Variants in NRG3 observed in about 807,000 individuals in gnomAD.
The protein encoded by NRG3 is neuregulin 3, also known as pro-neuregulin-3, membrane-bound isoform.
A neutral mutation model predicts 66.9 loss-of-function variants in NRG3; 31 were observed. The ratio of observed to expected loss-of-function variants is 0.46; its 90% confidence interval spans 0.35 to 0.63. The LOEUF is 0.63. NRG3 is among the 20% of genes least tolerant of loss of function. The pLI, the probability that NRG3 is intolerant of heterozygous loss-of-function variation, is 0.00. For synonymous variants in NRG3, 393 were observed against 359.4 expected (o/e 1.09, Z -1.06); for missense variants, 910 against 878.9 (o/e 1.04, Z -0.45).
intron 2 of NRG3, among the ~76,000 whole-genome samples, chr10:82,722,953 G>A (rs371983307): frequency 4.6e-5 from 7 of 151,830 alleles, no homozygotes; most frequent in African/African-American, 1.5e-4. Flanking sequence ...CAACCCACCC[G>A]TCCCACTACT....
At chr10:82,194,551 T>G (rs1295886507) in intron 1 of NRG3, among the ~76,000 whole-genome samples, 1 of 152,002 alleles carries the variant, frequency 6.6e-6, no homozygotes, top group African/African-American at 2.4e-5. Context: ...AAGGTCAGTA[T>G]GTGACAGTAG....
In NRG3 at chr10:82,802,670, T is replaced by G. The variant is rs201328966; in HGVS notation, c.1028-62741T>G. Among the ~76,000 whole-genome samples, 4 of 152,100 alleles carry G rather than the reference T, an allele frequency of 2.6e-5. No individual in the cohort carries two copies. In the East Asian group the frequency reaches 7.7e-4, roughly 29 times the overall value. On this transcript the variant is annotated intron_variant, in intron 3 of 8. Coordinates refer to ENST00000372141, the MANE Select transcript of NRG3 (RefSeq NM_001010848.4). The stretch of plus-strand genomic sequence containing the variant: ...TTATTTTTATTTTTTTTAAATTTTT[T>G]GAGACAAGATCTCGCTCTGTCACCC...
At chr10:82,515,962 A>G (rs1045905584) in intron 2 of NRG3, among the ~76,000 whole-genome samples, 1 of 152,178 alleles carries the variant, frequency 6.6e-6, no homozygotes, top group African/African-American at 2.4e-5. Flanking sequence ...TCAGGGCCCA[A>G]ACATCCAAGA....
chr10:82,787,028 C>A (rs924809855), intron 3 of NRG3, among the ~76,000 whole-genome samples: 2 of 152,126 alleles, frequency 1.3e-5, no homozygotes, highest in African/African-American at 2.4e-5. Flanking sequence ...CTTTATTACC[C>A]AGTCTCAAAT....
intron 1 of NRG3, among the ~76,000 whole-genome samples, chr10:81,926,704 G>A (rs1450171442): frequency 2.6e-5 from 4 of 151,942 alleles, no homozygotes; most frequent in African/African-American, 7.3e-5. Flanking sequence ...TGAAGATAAA[G>A]GTGTAAACTA....
chr10:82,080,247 A>T lies in NRG3; in HGVS notation c.823+204084A>T, dbSNP rs114500857. 5.4e-3 allele frequency among the ~76,000 whole-genome samples: 825 copies of T among 152,224 alleles called. 9 individuals carry two copies. Among genetic ancestry groups the T allele is most frequent in the African/African-American group, 0.019 (786 of 41,548 alleles). On this transcript the variant is annotated intron_variant, in intron 1 of 8. Coordinates refer to ENST00000372141, the MANE Select transcript of NRG3 (RefSeq NM_001010848.4). ...AGTTTGCATCTCCTAGGGAGATGGGAACTAATTGGTTAATTGTTATTTTAA... is the reference window on the plus strand; with the variant it reads ...AGTTTGCATCTCCTAGGGAGATGGGTACTAATTGGTTAATTGTTATTTTAA...
intron 2 of NRG3, among the ~76,000 whole-genome samples, chr10:82,681,148 A>C (rs774944095): frequency 6.6e-6 from 1 of 152,198 alleles, no homozygotes; most frequent in East Asian, 1.9e-4. Flanking sequence ...AGGAAAAAAA[A>C]CTGCCTTTTG....
intron 1 of NRG3, among the ~76,000 whole-genome samples, chr10:82,095,197 G>A (rs11192470): frequency 0.027 from 4,157 of 152,054 alleles, 194 homozygotes; most frequent in African/African-American, 0.096. Flanking sequence ...GACTGAGCTT[G>A]TGAGGTTTTT....
At chr10:82,973,721 G>T in intron 6 of NRG3, 67 bp from the exon 7 acceptor site, 2 of 1,569,296 alleles carry the variant, frequency 1.3e-6, no homozygotes, top group East Asian at 2.2e-5. Flanking sequence ...TCAATGCTTA[G>T]CTCTGGTGTT....
At chr10:82,790,867 C>T (rs2060559419) in intron 3 of NRG3, among the ~76,000 whole-genome samples, 1 of 151,722 alleles carries the variant, frequency 6.6e-6, no homozygotes, top group African/African-American at 2.4e-5. Flanking sequence ...TTTTGAACCC[C>T]TCTAGTGAAC....
intron 2 of NRG3, among the ~76,000 whole-genome samples, chr10:82,639,266 T>TG (rs1253265974): frequency 1.3e-5 from 2 of 152,206 alleles, no homozygotes; most frequent in African/African-American, 4.8e-5. Flanking sequence ...GACTTCTTGC[T>TG]GTGTCCACAC....
chr10:82,633,312 A>G (rs1265653987), intron 2 of NRG3, among the ~76,000 whole-genome samples: 40 of 152,208 alleles, frequency 2.6e-4, no homozygotes, highest in Non-Finnish European at 1.0e-4. Flanking sequence ...ATCATTAATC[A>G]TATCTGGATT....
intron 2 of NRG3, among the ~76,000 whole-genome samples, chr10:82,656,430 G>C (rs1338416800): frequency 2.6e-5 from 4 of 151,496 alleles, no homozygotes; most frequent in Admixed American, 2.0e-4. Flanking sequence ...AATTACATAG[G>C]TGTCCACTTT....
chr10:82,646,049 T>C (rs1294237303), intron 2 of NRG3, among the ~76,000 whole-genome samples: 1 of 152,122 alleles, frequency 6.6e-6, no homozygotes, highest in African/African-American at 2.4e-5. Context: ...CATATGACAC[T>C]TGACATAGAA....
chr10:81,992,006 C>G (rs1166090549), intron 1 of NRG3, among the ~76,000 whole-genome samples: 1 of 152,070 alleles, frequency 6.6e-6, no homozygotes, highest in Middle Eastern at 3.4e-3. Flanking sequence ...CTTTACTTGG[C>G]TAGGATTCTC....
intron 1 of NRG3, among the ~76,000 whole-genome samples, chr10:82,351,267 G>A (rs2083424197): frequency 6.6e-6 from 1 of 152,166 alleles, no homozygotes; most frequent in South Asian, 2.1e-4. Flanking sequence ...GTTTCTATGT[G>A]TGAGAAACTT....
At chr10:81,944,121 G>C (rs1848636410) in intron 1 of NRG3, among the ~76,000 whole-genome samples, 1 of 152,196 alleles carries the variant, frequency 6.6e-6, no homozygotes. Context: ...ACATCTACCT[G>C]TTTTTAACTT....
rs1372406720 is a variant in NRG3 at position 81,875,790 on chromosome 10, G to A, written c.450G>A (p.Thr150=). The change falls in exon 1 of 9, where the codon ACG becomes ACA. Residue 150 remains threonine, a synonymous_variant. Transcript: ENST00000372141. The surrounding 1 kb of genome is among the most constrained non-coding windows in gnomAD (Gnocchi z 5.3). ...PSAGGAASSR[T]PNRISTRLTT... ...CCGGGGGTGCCGCCTCCTCCAGGACGCCCAACCGGATTAGCACTCGCCTGA... is the reference window on the plus strand; with the variant it reads ...CCGGGGGTGCCGCCTCCTCCAGGACACCCAACCGGATTAGCACTCGCCTGA... 7.5e-6 allele frequency: 12 copies of A among 1,610,426 alleles called. No homozygotes were observed. Among genetic ancestry groups the A allele is most frequent in the African/African-American group, 1.3e-5 (1 of 74,860 alleles).
At chr10:82,651,218 A>G (rs2051386952) in intron 2 of NRG3, among the ~76,000 whole-genome samples, 1 of 152,188 alleles carries the variant, frequency 6.6e-6, no homozygotes, top group African/African-American at 2.4e-5. Context: ...GGGAGTCGAG[A>G]ACAGGAAGAC....
Sources: allele counts gnomAD v4.1 joint callset (sites outside exome capture counted in the v4.1 genomes callset), GRCh38; gene constraint gnomAD v4.1.1; non-coding constraint Gnocchi (gnomAD v3.1); transcripts MANE v1.5; gene names NCBI Gene and HGNC (gene_info 2026-07-23, HGNC 2026-07-21).